The following SH3D19 variants were observed in gnomAD, a reference collection of about 807,000 sequenced individuals.
The protein encoded by SH3D19 is SH3 domain-containing protein 19.
In SH3D19, 58 loss-of-function variants were observed where a neutral mutation model predicts 112.1. That is an observed-to-expected ratio of 0.52 (90% CI 0.42 to 0.64). The LOEUF (loss-of-function observed/expected upper bound fraction) is 0.64, where lower values mean the gene tolerates loss of function less well. SH3D19 is among the 30% of genes least tolerant of loss of function. SH3D19 has a pLI of 0.00. For missense variants in SH3D19, 1,090 were observed against 1,263.4 expected, an observed-to-expected ratio of 0.86 and a Z score of 2.08; for synonymous variants, 391 against 448.5, an observed-to-expected ratio of 0.87 and a Z score of 1.62.
intron 1 of SH3D19, among the ~76,000 whole-genome samples, chr4:151,318,362 A>G (rs1351690739): frequency 6.6e-6 from 1 of 151,934 alleles, no homozygotes; most frequent in Admixed American, 6.6e-5. Context: ...CATTATTACC[A>G]GGCCATGTTA....
At chr4:151,298,851 G>A (rs17027539) in intron 1 of SH3D19, among the ~76,000 whole-genome samples, 198 of 152,300 alleles carry the variant, frequency 1.3e-3, no homozygotes, top group African/African-American at 4.5e-3. Context: ...TACGGAGGAA[G>A]AAACTGAATA....
At chr4:151,241,110 C>T (rs1353289476) in intron 1 of SH3D19, among the ~76,000 whole-genome samples, 2 of 99,962 alleles carry the variant, frequency 2.0e-5, no homozygotes, top group African/African-American at 3.1e-5. Flanking sequence ...GGTGGTGAAA[C>T]GTGATCTCTA....
intron 8 of SH3D19, among the ~76,000 whole-genome samples, chr4:151,165,099 C>G (rs1757777906): frequency 6.6e-6 from 1 of 152,116 alleles, no homozygotes; most frequent in Admixed American, 6.5e-5. Flanking sequence ...TTTCAGTTTC[C>G]CTCTATTCTC....
intron 1 of SH3D19, among the ~76,000 whole-genome samples, chr4:151,237,243 A>G (rs953934005): frequency 1.3e-5 from 2 of 152,266 alleles, no homozygotes; most frequent in Non-Finnish European, 1.5e-5. Flanking sequence ...TCTTGAAGTC[A>G]GCAAGACCAA....
intron 1 of SH3D19, among the ~76,000 whole-genome samples, chr4:151,246,591 G>A (rs1474181995): frequency 6.6e-6 from 1 of 152,144 alleles, no homozygotes; most frequent in Non-Finnish European, 1.5e-5. Flanking sequence ...TTATGGCACT[G>A]TTCTTTACAA....
intron 1 of SH3D19, among the ~76,000 whole-genome samples, chr4:151,230,686 A>C (rs556365182): frequency 4.4e-4 from 66 of 150,374 alleles, no homozygotes; most frequent in Non-Finnish European, 7.5e-4. Context: ...TCTGCCTCCC[A>C]GGTTCAAGTG....
chr4:151,215,321 G>C (rs182601302), intron 2 of SH3D19, among the ~76,000 whole-genome samples: 8 of 152,342 alleles, frequency 5.3e-5, no homozygotes, highest in African/African-American at 1.9e-4. Flanking sequence ...CTGGGCAATA[G>C]ATAGTGATAC....
At chr4:151,226,004 TAAG>T in intron 2 of SH3D19, 40 bp downstream of exon 2, 2 of 1,199,090 alleles carry the variant, frequency 1.7e-6, no homozygotes, top group Non-Finnish European at 2.1e-6. Context: ...ACTTTTCAAA[TAAG>T]AAGCTTTATA....
intron 2 of SH3D19, among the ~76,000 whole-genome samples, chr4:151,218,280 T>G (rs895088799): frequency 6.6e-6 from 1 of 152,146 alleles, no homozygotes; most frequent in Non-Finnish European, 1.5e-5. Flanking sequence ...CTTGACTATT[T>G]CCTCAATTTT....
intron 1 of SH3D19, among the ~76,000 whole-genome samples, chr4:151,321,136 G>A (rs994633336): frequency 6.6e-6 from 1 of 152,194 alleles, no homozygotes; most frequent in Non-Finnish European, 1.5e-5. Flanking sequence ...AAGCAGGGAT[G>A]TTAGTATAAA....
At position 151,165,660 on chromosome 4, in the gene SH3D19, T is replaced by G; in HGVS notation, c.1571A>C (p.Lys524Thr). 5 of 1,614,200 alleles carry G rather than the reference T, an allele frequency of 3.1e-6. No individual in the cohort carries two copies. The South Asian group carries it at 5.5e-5, about 18-fold the overall frequency. The change falls in exon 8 of 20, where the codon AAA becomes ACA. Residue 524 changes from lysine (K) to threonine (T), a missense_variant. Coordinates refer to ENST00000604030, the MANE Select transcript of SH3D19 (RefSeq NM_001378122.1). ...FQLPAKTEPI[K>T]ERAVQPAPTR... is the part of the protein sequence containing the mutation. The stretch of plus-strand genomic sequence containing the variant: ...GGGTGCTGGTTGAACTGCTCGTTCT[T>G]TTATTGGTTCTGTTTTTGCAGGGAG...
At chr4:151,319,174 G>A (rs748715383) in intron 1 of SH3D19, among the ~76,000 whole-genome samples, 3 of 152,178 alleles carry the variant, frequency 2.0e-5, no homozygotes, top group East Asian at 1.9e-4. Context: ...TCAGGCTCCC[G>A]AGTAGCTGGG....
intron 1 of SH3D19, among the ~76,000 whole-genome samples, chr4:151,237,395 A>G (rs1770188473): frequency 6.6e-6 from 1 of 152,238 alleles, no homozygotes; most frequent in Admixed American, 6.5e-5. Flanking sequence ...CAGCTTACAT[A>G]AAGAAGGTCA....
At chr4:151,292,894 T>G (rs1580429987) in intron 1 of SH3D19, among the ~76,000 whole-genome samples, 1 of 147,216 alleles carries the variant, frequency 6.8e-6, no homozygotes, top group Admixed American at 6.8e-5. Context: ...CCAAGGAGGG[T>G]GGATCACTTA....
In SH3D19 at chr4:151,187,408, A is replaced by G. The variant is rs4266274; in HGVS notation, c.193+15T>C. ...ATTACAGAGGAAAATACAGAGAAGGAAAAAACAAACTTACATCTCTTGATT... is the reference window on the plus strand; with the variant it reads ...ATTACAGAGGAAAATACAGAGAAGGGAAAAACAAACTTACATCTCTTGATT... On this transcript the variant is annotated intron_variant, in intron 3 of 19. Transcript: ENST00000604030. 1,027,739 of 1,218,390 alleles carry G rather than the reference A, an allele frequency of 0.84. 446,151 individuals carry two copies. The highest frequency in any genetic ancestry group is 0.89 in the Non-Finnish European group (870,518 of 975,540). 75.5% of individuals were successfully genotyped at this position (1,218,390 alleles called of 1,614,324 possible). A position where few individuals can be genotyped will look rare whatever the true frequency, so the allele number is the denominator to read the frequency against.
intron 3 of SH3D19, 49 bp downstream of exon 3, chr4:151,187,374 C>T: frequency 9.1e-7 from 1 of 1,095,730 alleles, no homozygotes; most frequent in Non-Finnish European, 1.2e-6. Flanking sequence ...TAAATCATCA[C>T]TTAAAATTAT....
chr4:151,250,800 T>C (rs200460033), intron 1 of SH3D19, among the ~76,000 whole-genome samples: 2 of 152,320 alleles, frequency 1.3e-5, no homozygotes, highest in East Asian at 1.9e-4. Flanking sequence ...CAGTACACAA[T>C]TCCTAACACA....
intron 4 of SH3D19, among the ~76,000 whole-genome samples, chr4:151,178,905 C>G (rs1238597416): frequency 1.3e-5 from 2 of 152,154 alleles, no homozygotes; most frequent in African/African-American, 2.4e-5. Context: ...TATCTTTCCT[C>G]CCTTCTCTTT....
At chr4:151,183,175 A>T (rs1253882367) in intron 3 of SH3D19, among the ~76,000 whole-genome samples, 3 of 151,808 alleles carry the variant, frequency 2.0e-5, no homozygotes, top group Non-Finnish European at 4.4e-5. Flanking sequence ...TATTTTTAGT[A>T]GAGATGGGGT....
Sources: allele counts gnomAD v4.1 joint callset (sites outside exome capture counted in the v4.1 genomes callset), GRCh38; gene constraint gnomAD v4.1.1; transcripts MANE v1.5; gene names NCBI Gene and HGNC (gene_info 2026-07-23, HGNC 2026-07-21).